KAT6B: variants seen among roughly 807,000 people sequenced by gnomAD.
KAT6B encodes the protein histone acetyltransferase KAT6B.
KAT6B carries 10 observed loss-of-function variants against 187.5 expected under a neutral mutation model. The ratio of observed to expected loss-of-function variants is 0.05; its 90% confidence interval spans 0.03 to 0.09. The LOEUF (loss-of-function observed/expected upper bound fraction) is 0.09. Among genes scored for constraint, KAT6B ranks in the 10% least tolerant of loss-of-function variants. The pLI, the probability that KAT6B is intolerant of heterozygous loss-of-function variation, is 1.00. For missense variants in KAT6B, 1,952 were observed against 2,558.9 expected (o/e 0.76, Z 5.12); for synonymous variants, 861 against 926.8 (o/e 0.93, Z 1.29).
intron 3 of KAT6B, among the ~76,000 whole-genome samples, chr10:74,902,208 G>A (rs1015933111): frequency 1.3e-5 from 2 of 152,128 alleles, no homozygotes; most frequent in Non-Finnish European, 2.9e-5. Context: ...GGGGCTCTTG[G>A]TAGTTTCAGC....
At position 74,976,207 on chromosome 10, in the gene KAT6B, A is replaced by G; in HGVS notation, c.1870A>G (p.Thr624Ala). 6.2e-7 allele frequency: 1 copy of G among 1,614,150 alleles called. No homozygotes were observed. The highest frequency in any genetic ancestry group is 8.5e-7 in the Non-Finnish European group (1 of 1,180,014). ...AGCAATTGCTCACTTCAAGCGAACA[A>G]CTTTCCTTAAAAAGCACAGGATGCT... ...FKAIAHFKRT[T>A]FLKKHRMLGR... is the part of the protein sequence containing the mutation. The change falls in exon 8 of 18, where the codon ACT becomes GCT. Residue 624 changes from threonine (T) to alanine (A), a missense_variant. Thr to Ala is a moderately conservative substitution (Grantham distance 58). This residue lies in a region of KAT6B where 417 missense variants were observed against 508.9 expected (regional missense o/e 0.82). Coordinates refer to ENST00000287239, the MANE Select transcript of KAT6B (RefSeq NM_012330.4).
chr10:75,029,767 C>T lies in KAT6B; in HGVS notation c.4943C>T (p.Pro1648Leu), dbSNP rs751999645. The change falls in exon 18 of 18, where the codon CCC becomes CTC. Residue 1648 changes from proline (P) to leucine (L), a missense_variant. By Grantham distance (98) the Pro-to-Leu change is moderately conservative. Transcript: ENST00000287239. The surrounding 1 kb of genome is among the most constrained non-coding windows in gnomAD (Gnocchi z 6.2). ...TCTCTGCAGAACATGGAAACCAGTC[C>T]CATGATGGATGTCCCATCAGTTTCA... ...VPSLQNMETSPMMDVPSVSDH... is the reference protein window; with the variant it reads ...VPSLQNMETSLMMDVPSVSDH... 6.2e-7 allele frequency: 1 copy of T among 1,614,122 alleles called. No homozygotes were observed. Among genetic ancestry groups the T allele is most frequent in the Admixed American group, 1.7e-5 (1 of 60,026 alleles).
chr10:74,842,874 A>G lies in KAT6B; in HGVS notation c.17A>G (p.Asn6Ser). The G allele has an allele frequency of 1.2e-6, 2 of 1,614,184 alleles. No individual in the cohort carries two copies. The highest frequency in any genetic ancestry group is 1.7e-6 in the Non-Finnish European group (2 of 1,180,034). The change falls in exon 3 of 18, where the codon AAC (asparagine) becomes AGC (serine). Residue 6 changes from asparagine (N) to serine (S), a missense_variant. Coordinates refer to ENST00000287239, the MANE Select transcript of KAT6B (RefSeq NM_012330.4). ...TTGTCAACCATGGTAAAACTTGCAA[A>G]CCCACTTTATACAGAGTGGATTCTT... is the stretch of plus-strand genomic sequence containing the variant. The part of the protein sequence containing the change: MVKLA[N>S]PLYTEWILEA...
At chr10:74,890,738 A>G (rs1845591449) in intron 3 of KAT6B, among the ~76,000 whole-genome samples, 1 of 152,256 alleles carries the variant, frequency 6.6e-6, no homozygotes, top group South Asian at 2.1e-4. Flanking sequence ...CTCATGTTTT[A>G]CATTTAATCT....
intron 7 of KAT6B, among the ~76,000 whole-genome samples, chr10:74,974,986 C>G (rs1842063796): frequency 6.6e-6 from 1 of 152,194 alleles, no homozygotes; most frequent in Admixed American, 6.5e-5. Flanking sequence ...TAAGCTTCTT[C>G]TTTTGCTTCT....
intron 3 of KAT6B, among the ~76,000 whole-genome samples, chr10:74,949,537 T>G (rs1589687220): frequency 6.6e-6 from 1 of 152,362 alleles, no homozygotes; most frequent in East Asian, 1.9e-4. Flanking sequence ...ATCACTTTCC[T>G]TAATCAGCAC....
rs141800835 is a variant in KAT6B at position 74,844,473 on chromosome 10, A to G, written c.621+995A>G. On this transcript the variant is annotated intron_variant, in intron 3 of 17. Transcript: ENST00000287239. The stretch of plus-strand genomic sequence containing the variant: ...TTTGGTCTCCCAAAGTGTTGGGATT[A>G]CAGGCGTGAGACACCATGCCTGGCT... 3.4e-3 allele frequency among the ~76,000 whole-genome samples: 513 copies of G among 152,376 alleles called. 1 individual carries two copies. Among genetic ancestry groups the G allele is most frequent in the African/African-American group, 0.012 (497 of 41,602 alleles).
intron 4 of KAT6B, among the ~76,000 whole-genome samples, chr10:74,960,291 A>G (rs187002828): frequency 6.6e-6 from 1 of 152,268 alleles, no homozygotes; most frequent in Non-Finnish European, 1.5e-5. Flanking sequence ...ATATAATACT[A>G]TACATATTTA....
Position 75,031,037 on chromosome 10 carries a change from G to A in KAT6B, c.6213G>A (p.Met2071Ile). ...MSKQSLNGSY[M>I]RR ...AACAGTCTCTCAATGGCTCCTACAT[G>A]AGAAGGTAGACAACGTGGGCAGTCC... is the stretch of plus-strand genomic sequence containing the variant. Residue 2071 changes from methionine to isoleucine, a missense_variant, in exon 18 of 18, where the codon ATG (methionine) becomes ATA (isoleucine). Physicochemically the swap from Met to Ile is conservative, Grantham distance 10 (BLOSUM62 1). This residue lies in a region of KAT6B where 358 missense variants were observed against 436.3 expected (regional missense o/e 0.82). Coordinates refer to ENST00000287239, the MANE Select transcript of KAT6B (RefSeq NM_012330.4). The A allele has an allele frequency of 6.2e-7, 1 of 1,614,106 alleles. No homozygotes were observed. The highest frequency in any genetic ancestry group is 8.5e-7 in the Non-Finnish European group (1 of 1,180,014).
intron 3 of KAT6B, among the ~76,000 whole-genome samples, chr10:74,886,853 C>T (rs779194196): frequency 1.3e-5 from 2 of 152,190 alleles, no homozygotes; most frequent in Non-Finnish European, 2.9e-5. Context: ...TCAGGGAACT[C>T]GGAACCTAAC....
rs1217987452 is a variant in KAT6B at position 74,975,645 on chromosome 10, T to C, written c.1308T>C (p.Asp436=). The change falls in exon 8 of 18, where the codon GAT becomes GAC. Residue 436 remains aspartate, a synonymous_variant. Transcript: ENST00000287239. ...KVNKKTKGLI[D]GLTKFFTPSP... ...ACAAGAAAACCAAAGGGCTCATTGA[T>C]GGCCTTACTAAGTTTTTTACACCAT... The C allele has an allele frequency of 1.2e-6, 2 of 1,614,064 alleles. No homozygotes were observed. Among genetic ancestry groups the C allele is most frequent in the Non-Finnish European group, 1.7e-6 (2 of 1,180,042 alleles).
intron 4 of KAT6B, among the ~76,000 whole-genome samples, chr10:74,965,438 C>G (rs1841392545): frequency 6.6e-6 from 1 of 152,202 alleles, no homozygotes; most frequent in Non-Finnish European, 1.5e-5. Flanking sequence ...AGGGTGGGAA[C>G]CATGCCTCTC....
chr10:74,943,740 A>G (rs1272001722), intron 3 of KAT6B, among the ~76,000 whole-genome samples: 1 of 152,216 alleles, frequency 6.6e-6, no homozygotes, highest in African/African-American at 2.4e-5. Context: ...ATAGATAAAA[A>G]TTTCTTAGAT....
In KAT6B at chr10:75,028,901, GGAAGAGGAA is replaced by G. The variant is rs375513122; in HGVS notation, c.4097_4105del (p.Glu1366_Glu1368del). Reference sequence around the variant, plus strand: ...AGGAAGAGGAAGAGGAGGAGGAGGAGGAAGAGGAAGAAGAGGAAGAAGAGGAAGGGGAAG... The same window carrying G: ...AGGAAGAGGAAGAGGAGGAGGAGGAGGAAGAGGAAGAAGAGGAAGGGGAAG... On this transcript the variant is annotated inframe_deletion, in exon 18 of 18. Coordinates refer to ENST00000287239, the MANE Select transcript of KAT6B (RefSeq NM_012330.4). 18,330 of 1,609,368 alleles carry G rather than the reference GGAAGAGGAA, an allele frequency of 0.011. 134 individuals are homozygous for G. The highest frequency in any genetic ancestry group is 0.014 in the Non-Finnish European group (16,001 of 1,176,872).
chr10:74,946,730 G>A (rs1490392545), intron 3 of KAT6B, among the ~76,000 whole-genome samples: 1 of 152,192 alleles, frequency 6.6e-6, no homozygotes, highest in Non-Finnish European at 1.5e-5. Flanking sequence ...AGGAAGGGAA[G>A]TGGAAAGGTA....
chr10:74,937,929 C>T (rs1472815189), intron 3 of KAT6B, among the ~76,000 whole-genome samples: 1 of 152,182 alleles, frequency 6.6e-6, no homozygotes. Context: ...TAGGGTTTAA[C>T]TCTTTGGTGA....
At chr10:74,888,121 G>A (rs1845414757) in intron 3 of KAT6B, among the ~76,000 whole-genome samples, 1 of 152,232 alleles carries the variant, frequency 6.6e-6, no homozygotes, top group Non-Finnish European at 1.5e-5. Context: ...GGTTGTAGGA[G>A]TGTATCTCAT....
chr10:74,873,278 T>G (rs550790906), intron 3 of KAT6B, among the ~76,000 whole-genome samples: 2 of 148,042 alleles, frequency 1.4e-5, no homozygotes, highest in African/African-American at 5.0e-5. Flanking sequence ...CTGGGCAACA[T>G]AGAGAGATCC....
chr10:74,987,220 G>C (rs1478556625), intron 12 of KAT6B, among the ~76,000 whole-genome samples: 1 of 152,188 alleles, frequency 6.6e-6, no homozygotes, highest in African/African-American at 2.4e-5. Context: ...CAGATCATGA[G>C]GTCAAGAGAT....
Sources: gnomAD v4.1 joint callset for allele counts (sites outside exome capture counted in the v4.1 genomes callset) on GRCh38, gnomAD v4.1.1 for gene constraint, gnomAD v4.1.1 regional missense constraint, Gnocchi (gnomAD v3.1) non-coding constraint, MANE v1.5 for transcripts, NCBI Gene and HGNC (gene_info 2026-07-23, HGNC 2026-07-21) for gene names.